SLC12A7: variants seen among roughly 807,000 people sequenced by gnomAD.
SLC12A7 encodes the protein solute carrier family 12 member 7.
A neutral mutation model predicts 120.6 loss-of-function variants in SLC12A7; 100 were observed. The observed-to-expected ratio is 0.83, with a 90% CI of 0.71 to 0.98. The LOEUF (loss-of-function observed/expected upper bound fraction) is 0.98. Ranked by LOEUF, SLC12A7 falls within the 50% of genes least tolerant of loss-of-function variation. The pLI is 0.00. For synonymous variants in SLC12A7, 760 were observed against 678.0 expected (o/e 1.12, Z -1.88); for missense variants, 1,373 against 1,548.1 (o/e 0.89, Z 1.90).
At position 1,076,704 on chromosome 5, in the gene SLC12A7, T is replaced by A; in HGVS notation, c.1738A>T (p.Ile580Phe). ...CCTGTGGGGGCTCACATGGAGAGGA[T>A]CGGGGCCACGCTGTCCAGAGAGGCG... ...LIASLDSVAP[I>F]LSMFFLMCYL... Residue 580 changes from isoleucine (I) to phenylalanine (F), a missense_variant, in exon 13 of 24, where the codon ATC becomes TTC. Ile to Phe is a conservative substitution (Grantham distance 21). Coordinates refer to ENST00000264930, the MANE Select transcript of SLC12A7 (RefSeq NM_006598.3). 6.2e-7 allele frequency: 1 copy of A among 1,610,242 alleles called. No homozygotes were observed. The highest frequency in any genetic ancestry group is 8.5e-7 in the Non-Finnish European group (1 of 1,179,308).
At chr5:1,147,323 C>T in the SLC12A7 span, among the ~76,000 whole-genome samples, 4 of 138,292 alleles carry the variant, frequency 2.9e-5, no homozygotes, top group South Asian at 4.6e-4. Flanking sequence ...TATCCAAAGA[C>T]GGCAGAACAG....
the SLC12A7 span, among the ~76,000 whole-genome samples, chr5:1,139,182 C>T: frequency 1.3e-5 from 2 of 152,236 alleles, no homozygotes; most frequent in East Asian, 3.9e-4. Flanking sequence ...GCTGAGTCCT[C>T]ATGGTCCGTA....
chr5:1,150,516 G>A, the SLC12A7 span, among the ~76,000 whole-genome samples: 1 of 152,216 alleles, frequency 6.6e-6, no homozygotes, highest in East Asian at 1.9e-4. Flanking sequence ...TTTATTTAAA[G>A]AAAATTCTGG....
the SLC12A7 span, among the ~76,000 whole-genome samples, chr5:1,149,932 A>AG: frequency 6.6e-6 from 1 of 152,170 alleles, no homozygotes; most frequent in Non-Finnish European, 1.5e-5. Context: ...CGGGAGGCTG[A>AG]GGCAGGAGAA....
chr5:1,059,921 G>A (rs73028821), intron 21 of SLC12A7, among the ~76,000 whole-genome samples: 1 of 152,224 alleles, frequency 6.6e-6, no homozygotes, highest in Non-Finnish European at 1.5e-5. Context: ...AGACAAAGCA[G>A]CCATCGTAAG....
chr5:1,146,739 T>A, the SLC12A7 span, among the ~76,000 whole-genome samples: 3 of 152,224 alleles, frequency 2.0e-5, no homozygotes, highest in Non-Finnish European at 2.9e-5. This position sits in a 1 kb window ranked among gnomAD's most constrained non-coding sequence, Gnocchi z 6.5. Context: ...GATGAAACCT[T>A]GGCCTCCACA....
chr5:1,073,803 T>C lies in SLC12A7; in HGVS notation c.2073-2A>G. Reference sequence around the variant, plus strand: ...TTCAGCATCACCAGCACCTGGGGCCTGCAGCCAGGGTGGGGCGGCTGTTAC... The same window carrying C: ...TTCAGCATCACCAGCACCTGGGGCCCGCAGCCAGGGTGGGGCGGCTGTTAC... On this transcript the variant is annotated splice_acceptor_variant, in intron 16 of 23. Transcript: ENST00000264930. LOFTEE classifies it high-confidence loss of function. 1.4e-6 allele frequency: 2 copies of C among 1,411,378 alleles called. No homozygotes were observed. The highest frequency in any genetic ancestry group is 2.7e-5 in the Admixed American group (1 of 37,476). The allele number at this position is 1,411,378 out of a possible 1,614,324, so 87.4% of individuals were successfully genotyped here.
the SLC12A7 span, among the ~76,000 whole-genome samples, chr5:1,132,626 C>A: frequency 1.3e-5 from 2 of 152,194 alleles, no homozygotes; most frequent in Non-Finnish European, 2.9e-5. Flanking sequence ...CCCTTGCCTG[C>A]CTTCTGGACC....
the SLC12A7 span, among the ~76,000 whole-genome samples, chr5:1,139,969 T>C: frequency 6.6e-6 from 1 of 152,224 alleles, no homozygotes. Context: ...TGGTCACAGA[T>C]GCGGACCAGG....
At chr5:1,108,640 C>T (rs1056465921) in intron 1 of SLC12A7, among the ~76,000 whole-genome samples, 3 of 152,210 alleles carry the variant, frequency 2.0e-5, no homozygotes, top group Admixed American at 6.5e-5. Flanking sequence ...CTATCTAATG[C>T]GTGATCCCCC....
chr5:1,067,870 ACCCTGTTATCACAAGTCAGCACCGTGTCG>A (rs1477791079), intron 17 of SLC12A7, among the ~76,000 whole-genome samples: 60 of 152,070 alleles, frequency 3.9e-4, no homozygotes, highest in African/African-American at 1.4e-3. Flanking sequence ...CGTGTCGGGG[ACCCTGTTATCACAAGTCAGCACCGTGTCG>A]GGGACCCTGT....
At chr5:1,073,946 C>T in intron 16 of SLC12A7, 145 bp from the exon 17 acceptor site, 4 of 747,670 alleles carry the variant, frequency 5.3e-6, no homozygotes, top group Non-Finnish European at 5.6e-6. Flanking sequence ...ACAAAAGGGG[C>T]AGGTGACAGA....
At chr5:1,140,982 G>A in the SLC12A7 span, among the ~76,000 whole-genome samples, 6 of 152,228 alleles carry the variant, frequency 3.9e-5, no homozygotes, top group African/African-American at 7.2e-5. Flanking sequence ...CCAGGCTGAG[G>A]GGGAGGGTGG....
intron 12 of SLC12A7, among the ~76,000 whole-genome samples, 165 bp from the exon 13 acceptor site, chr5:1,076,977 C>A (rs1738421998): frequency 6.6e-6 from 1 of 152,168 alleles, no homozygotes; most frequent in South Asian, 2.1e-4. Context: ...TGGGAAGAAG[C>A]CCTGACAAAG....
In SLC12A7 at chr5:1,060,436, A is replaced by T; in HGVS notation, c.2755T>A (p.Ser919Thr). The T allele has an allele frequency of 6.2e-7, 1 of 1,613,336 alleles. No homozygotes were observed. Among genetic ancestry groups the T allele is most frequent in the Non-Finnish European group, 8.5e-7 (1 of 1,179,686 alleles). Reference protein sequence around the residue: ...EVVEMVENDISAFTYERTLMM... With the variant: ...EVVEMVENDITAFTYERTLMM... ...AGTGTCCTCTCGTAGGTGAAAGCAG[A>T]TATGTCGTTTTCAACCTAGAAAGTT... is the stretch of plus-strand genomic sequence containing the variant. Residue 919 changes from serine (S) to threonine (T), a missense_variant, in exon 21 of 24, where the codon TCT (serine) becomes ACT (threonine). Coordinates refer to ENST00000264930, the MANE Select transcript of SLC12A7 (RefSeq NM_006598.3).
intron 1 of SLC12A7, among the ~76,000 whole-genome samples, chr5:1,108,178 T>C (rs1040221216): frequency 5.3e-5 from 8 of 152,184 alleles, no homozygotes; most frequent in African/African-American, 1.9e-4. Context: ...ACAAGGCACA[T>C]AGGTGCCCGC....
chr5:1,135,075 C>T, the SLC12A7 span, among the ~76,000 whole-genome samples: 6 of 151,672 alleles, frequency 4.0e-5, no homozygotes, highest in Non-Finnish European at 8.8e-5. Flanking sequence ...TGCAGTGAGC[C>T]GAGATCTCAC....
the SLC12A7 span, among the ~76,000 whole-genome samples, chr5:1,152,402 A>G: frequency 6.6e-6 from 1 of 152,204 alleles, no homozygotes; most frequent in Non-Finnish European, 1.5e-5. Context: ...TGATGCAAAA[A>G]CATAGCCGGA....
the SLC12A7 span, among the ~76,000 whole-genome samples, chr5:1,128,222 G>A: frequency 2.6e-5 from 4 of 152,210 alleles, no homozygotes; most frequent in African/African-American, 2.4e-5. Flanking sequence ...CGGGAAGTCC[G>A]CTCCAGCTCC....
Sources: allele counts gnomAD v4.1 joint callset (sites outside exome capture counted in the v4.1 genomes callset), GRCh38; gene constraint gnomAD v4.1.1; non-coding constraint Gnocchi (gnomAD v3.1); transcripts MANE v1.5; gene names NCBI Gene and HGNC (gene_info 2026-07-23, HGNC 2026-07-21).